AGK: variants seen among roughly 807,000 people sequenced by gnomAD.
AGK encodes the protein acylglycerol kinase, mitochondrial.
A neutral mutation model predicts 66.4 loss-of-function variants in AGK; 52 were observed. The observed-to-expected ratio is 0.78, with a 90% CI of 0.63 to 0.99. The LOEUF (loss-of-function observed/expected upper bound fraction) is 0.99, where lower values mean the gene tolerates loss of function less well. AGK is among the 50% of genes least tolerant of loss of function. The pLI is 0.00. For missense variants in AGK, 451 were observed against 506.6 expected, an observed-to-expected ratio of 0.89 and a Z score of 1.05; for synonymous variants, 182 against 181.1, an observed-to-expected ratio of 1.00 and a Z score of -0.04.
chr7:141,651,737 T>C, intron 15 of AGK, 128 bp downstream of exon 15: 1 of 856,516 alleles, frequency 1.2e-6, no homozygotes, highest in Non-Finnish European at 1.9e-6. Context: ...TGCCAAGCAT[T>C]TTGCCAGGCT....
At chr7:141,565,453 C>T (rs112806385) in intron 2 of AGK, among the ~76,000 whole-genome samples, 9 of 152,210 alleles carry the variant, frequency 5.9e-5, no homozygotes, top group African/African-American at 1.9e-4. Context: ...GAGTTCGAGA[C>T]CAGCCTGGCC....
chr7:141,641,110 C>A, intron 11 of AGK, 138 bp from the exon 12 acceptor site: 1 of 683,004 alleles, frequency 1.5e-6, no homozygotes, highest in Non-Finnish European at 2.3e-6. Flanking sequence ...TCCAAACTAG[C>A]ATTCCATCCA....
chr7:141,616,880 TC>T (rs941281226), intron 8 of AGK, among the ~76,000 whole-genome samples: 12 of 151,450 alleles, frequency 7.9e-5, no homozygotes, highest in African/African-American at 2.9e-4. Flanking sequence ...TGCCTCAGCC[TC>T]CGAGTAGCTG....
At chr7:141,568,635 G>A (rs546411540) in intron 2 of AGK, among the ~76,000 whole-genome samples, 4 of 150,394 alleles carry the variant, frequency 2.7e-5, no homozygotes, top group Non-Finnish European at 5.9e-5. Flanking sequence ...GCAGTGACAC[G>A]ATCTTGGCTC....
At chr7:141,632,026 G>T (rs1346708018) in intron 9 of AGK, among the ~76,000 whole-genome samples, 1 of 151,726 alleles carries the variant, frequency 6.6e-6, no homozygotes, top group Non-Finnish European at 1.5e-5. Flanking sequence ...GTCAGCAGTT[G>T]GAAACCAGCC....
At chr7:141,575,518 TA>T (rs1334644442) in intron 2 of AGK, among the ~76,000 whole-genome samples, 1 of 152,152 alleles carries the variant, frequency 6.6e-6, no homozygotes, top group African/African-American at 2.4e-5. Context: ...TATTGTCATA[TA>T]TTTGTTTCAG....
intron 9 of AGK, among the ~76,000 whole-genome samples, chr7:141,632,992 G>A (rs1025148925): frequency 6.6e-6 from 1 of 152,218 alleles, no homozygotes; most frequent in Non-Finnish European, 1.5e-5. Context: ...GGAGAAGACA[G>A]CATGCTTTCT....
Position 141,581,930 on chromosome 7 carries a change from G to A in AGK, c.102-11216G>A, listed in dbSNP as rs146319819. ...CTGTCAATACCCACAACAGTTATGG[G>A]GGCAAGGGAAACATGCCCTTGAAAA... On this transcript the variant is annotated intron_variant, in intron 2 of 15. Transcript: ENST00000649286. Among the ~76,000 whole-genome samples, 20 of 152,098 alleles carry A rather than the reference G, an allele frequency of 1.3e-4. No homozygotes were observed. The East Asian group carries it at 2.9e-3, about 22-fold the overall frequency.
intron 2 of AGK, among the ~76,000 whole-genome samples, chr7:141,584,799 A>G (rs1275844259): frequency 6.6e-6 from 1 of 152,224 alleles, no homozygotes; most frequent in Non-Finnish European, 1.5e-5. Context: ...TTTTAATGCA[A>G]TTGCCTCTGT....
intron 5 of AGK, among the ~76,000 whole-genome samples, chr7:141,605,950 A>AC (rs1796449289): frequency 6.6e-6 from 1 of 152,210 alleles, no homozygotes; most frequent in South Asian, 2.1e-4. Flanking sequence ...GAGTTTTTAC[A>AC]CATAGATCAG....
intron 15 of AGK, among the ~76,000 whole-genome samples, chr7:141,651,860 A>T (rs1423537691): frequency 6.6e-6 from 1 of 152,242 alleles, no homozygotes; most frequent in Non-Finnish European, 1.5e-5. Flanking sequence ...GTTCTTCCCT[A>T]AAGTGAGTTT....
Position 141,633,968 on chromosome 7 carries a change from T to C in AGK, c.656T>C (p.Val219Ala). Reference sequence around the variant, plus strand: ...TGGGGATCTTTCAGAGATGCTGGCGTCAAAGTTAGCAAGTAAAGGATTACT... The same window carrying C: ...TGGGGATCTTTCAGAGATGCTGGCGCCAAAGTTAGCAAGTAAAGGATTACT... ...LRWGSFRDAGVKVSKYWYLGP... is the reference protein window; with the variant it reads ...LRWGSFRDAGAKVSKYWYLGP... The change falls in exon 10 of 16, where the codon GTC (valine) becomes GCC (alanine). Residue 219 changes from valine to alanine, a missense_variant. By Grantham distance (64) the Val-to-Ala change is moderately conservative. Transcript: ENST00000649286. 6.2e-7 allele frequency: 1 copy of C among 1,613,762 alleles called. No homozygotes were observed. The highest frequency in any genetic ancestry group is 8.5e-7 in the Non-Finnish European group (1 of 1,179,708).
chr7:141,631,795 C>T (rs1797062226), intron 9 of AGK, among the ~76,000 whole-genome samples: 1 of 152,194 alleles, frequency 6.6e-6, no homozygotes. Flanking sequence ...CTCCGAATAA[C>T]ACCAAAGTCA....
intron 9 of AGK, among the ~76,000 whole-genome samples, chr7:141,632,772 CAG>C (rs1797087070): frequency 6.6e-6 from 1 of 152,300 alleles, no homozygotes; most frequent in Non-Finnish European, 1.5e-5. Context: ...AAAGCAGGTA[CAG>C]AGAGTGAAGA....
rs1797513976 is a variant in AGK at position 141,649,879 on chromosome 7, A to G, written c.1046+546A>G. On this transcript the variant is annotated intron_variant, in intron 14 of 15. Coordinates refer to ENST00000649286, the MANE Select transcript of AGK (RefSeq NM_018238.4). ...GCCTTCATGAAAAACTGGAAAAGGT[A>G]TTGAGTACCTTGGACATTTCCCAGG... 2.0e-5 allele frequency among the ~76,000 whole-genome samples: 3 copies of G among 152,246 alleles called. No homozygotes were observed. The South Asian group carries it at 6.2e-4, about 31-fold the overall frequency.
At position 141,615,466 on chromosome 7, in the gene AGK, C is replaced by T. The variant is rs113599212; in HGVS notation, c.424-5C>T. On this transcript the variant is annotated splice_polypyrimidine_tract_variant and splice_region_variant and intron_variant, in intron 7 of 15. Coordinates refer to ENST00000649286, the MANE Select transcript of AGK (RefSeq NM_018238.4). ...ATAAAACTTTCCTCTTCTTTCCCCC[C>T]CCAGGCTACCTTCAGTAAGATTCCC... 5.3e-4 allele frequency: 855 copies of T among 1,612,492 alleles called. 7 individuals carry two copies. In the African/African-American group the frequency reaches 8.2e-3, roughly 16 times the overall value.
chr7:141,569,256 C>G (rs2116873690), intron 2 of AGK, among the ~76,000 whole-genome samples: 1 of 152,272 alleles, frequency 6.6e-6, no homozygotes, highest in South Asian at 2.1e-4. Context: ...TAATGATAGG[C>G]TGGGCGTGGT....
At chr7:141,584,256 A>G (rs140302303) in intron 2 of AGK, among the ~76,000 whole-genome samples, 1,745 of 152,208 alleles carry the variant, frequency 0.011, 18 homozygotes, top group Middle Eastern at 0.044. Flanking sequence ...CAAGGTGTTC[A>G]GTGGGGGAGC....
intron 9 of AGK, among the ~76,000 whole-genome samples, chr7:141,630,006 A>G (rs1797022967): frequency 6.6e-6 from 1 of 152,216 alleles, no homozygotes; most frequent in South Asian, 2.1e-4. Context: ...ACATTAACAT[A>G]TTAAAGACTC....
Sources: allele counts gnomAD v4.1 joint callset (sites outside exome capture counted in the v4.1 genomes callset), GRCh38; gene constraint gnomAD v4.1.1; transcripts MANE v1.5; gene names NCBI Gene and HGNC (gene_info 2026-07-23, HGNC 2026-07-21).